Variants in SLCO6A1 observed in about 807,000 individuals in gnomAD.
SLCO6A1 encodes cancer/testis antigen 48.
A neutral mutation model predicts 72.7 loss-of-function variants in SLCO6A1; 65 were observed. The observed-to-expected ratio is 0.89, with a 90% CI of 0.73 to 1.10. SLCO6A1 has a LOEUF of 1.10. Among genes scored for constraint, SLCO6A1 ranks in the 50% least tolerant of loss-of-function variants. The probability of loss-of-function intolerance (pLI) is 0.00; values close to 1 mark genes in which losing one functional copy is unlikely to be tolerated. For missense variants in SLCO6A1, 874 were observed against 872.6 expected (o/e 1.00, Z -0.02); for synonymous variants, 314 against 298.2 (o/e 1.05, Z -0.55).
intron 1 of SLCO6A1, among the ~76,000 whole-genome samples, chr5:102,487,783 A>T (rs180686760): frequency 6.6e-6 from 1 of 152,346 alleles, no homozygotes; most frequent in African/African-American, 2.4e-5. Flanking sequence ...TGTCCCTGAA[A>T]GGAATTTTCA....
intron 4 of SLCO6A1, among the ~76,000 whole-genome samples, chr5:102,471,589 G>T (rs1443489592): frequency 1.3e-5 from 2 of 151,984 alleles, no homozygotes; most frequent in African/African-American, 4.8e-5. Context: ...TGCTACACCC[G>T]CTTAATTTCC....
chr5:102,390,765 A>C (rs1746710408), intron 11 of SLCO6A1, among the ~76,000 whole-genome samples: 1 of 152,116 alleles, frequency 6.6e-6, no homozygotes, highest in African/African-American at 2.4e-5. Context: ...GATCAAATAT[A>C]ATATGCATAT....
chr5:102,489,841 C>T (rs557019740), intron 1 of SLCO6A1, among the ~76,000 whole-genome samples: 3 of 152,086 alleles, frequency 2.0e-5, no homozygotes, highest in South Asian at 2.1e-4. Context: ...TATGGACCAA[C>T]CTAAGTGTCC....
chr5:102,432,771 C>G lies in SLCO6A1; in HGVS notation c.1276+5846G>C, dbSNP rs1032496113. Among the ~76,000 whole-genome samples the G allele has an allele frequency of 3.9e-5, 6 of 152,120 alleles. No homozygotes were observed. In the East Asian group the frequency reaches 9.6e-4, roughly 24 times the overall value. On this transcript the variant is annotated intron_variant, in intron 7 of 13. Coordinates refer to ENST00000506729, the MANE Select transcript of SLCO6A1 (RefSeq NM_173488.5). ...TCTTAGGGATGATGTTTTTGTGAAG[C>G]ACTTTGTGAGAGTTTCCTGCATTTT...
intron 1 of SLCO6A1, among the ~76,000 whole-genome samples, chr5:102,490,641 G>A (rs536009786): frequency 7.2e-5 from 11 of 152,256 alleles, no homozygotes; most frequent in African/African-American, 2.4e-4. Flanking sequence ...GGTGTGTTCC[G>A]AGTTTCTTCC....
chr5:102,463,050 A>T (rs1751123421), intron 4 of SLCO6A1, among the ~76,000 whole-genome samples: 1 of 152,090 alleles, frequency 6.6e-6, no homozygotes, highest in Non-Finnish European at 1.5e-5. Flanking sequence ...ATCCAGAATC[A>T]ACTAGGAATT....
intron 9 of SLCO6A1, among the ~76,000 whole-genome samples, chr5:102,403,270 G>A (rs1372068325): frequency 6.6e-6 from 1 of 152,120 alleles, no homozygotes; most frequent in African/African-American, 2.4e-5. Flanking sequence ...TACTGTCTCA[G>A]CTGAGAGGAC....
At chr5:102,469,154 T>A (rs1276523546) in intron 4 of SLCO6A1, among the ~76,000 whole-genome samples, 2 of 152,168 alleles carry the variant, frequency 1.3e-5, no homozygotes, top group Non-Finnish European at 2.9e-5. Context: ...CTTTTTTTTT[T>A]GGTTTCACAT....
At chr5:102,478,691 T>C (rs1344841740) in intron 2 of SLCO6A1, among the ~76,000 whole-genome samples, 1 of 152,190 alleles carries the variant, frequency 6.6e-6, no homozygotes, top group African/African-American at 2.4e-5. Flanking sequence ...TGTTTGTAGA[T>C]TGTTAGATCC....
chr5:102,490,415 T>G (rs2112858679), intron 1 of SLCO6A1, among the ~76,000 whole-genome samples: 1 of 152,358 alleles, frequency 6.6e-6, no homozygotes, highest in Middle Eastern at 3.4e-3. Flanking sequence ...ATGATCAATA[T>G]GCTAAAGACA....
chr5:102,470,805 T>C (rs950794868), intron 4 of SLCO6A1, among the ~76,000 whole-genome samples: 2 of 152,202 alleles, frequency 1.3e-5, no homozygotes, highest in South Asian at 4.1e-4. Flanking sequence ...AAGAGTCCTA[T>C]AATATGACTT....
intron 7 of SLCO6A1, among the ~76,000 whole-genome samples, chr5:102,432,352 C>T (rs1749266642): frequency 3.3e-5 from 5 of 152,022 alleles, no homozygotes; most frequent in Admixed American, 3.3e-4. Context: ...TACTTAAGTG[C>T]ATTTTTGTAG....
rs201129057 is a variant in SLCO6A1, at chr5:102,423,689, C to A, written c.1277-3668G>T. 2.6e-5 allele frequency among the ~76,000 whole-genome samples: 4 copies of A among 152,270 alleles called. No individual in the cohort carries two copies. In the East Asian group the frequency reaches 7.7e-4, roughly 29 times the overall value. On this transcript the variant is annotated intron_variant, in intron 7 of 13. Coordinates refer to ENST00000506729, the MANE Select transcript of SLCO6A1 (RefSeq NM_173488.5). ...AATAATAGTGGGACACTTTAACACC[C>A]CACTGTCAATATTAGACAGATCAAC...
chr5:102,466,098 G>T (rs1751296314), intron 4 of SLCO6A1, among the ~76,000 whole-genome samples: 1 of 152,014 alleles, frequency 6.6e-6, no homozygotes, highest in South Asian at 2.1e-4. Context: ...TGTGTCAGGG[G>T]TTTGTTTTAC....
chr5:102,483,867 C>T (rs1752323983), intron 1 of SLCO6A1, among the ~76,000 whole-genome samples: 1 of 152,136 alleles, frequency 6.6e-6, no homozygotes, highest in Non-Finnish European at 1.5e-5. Flanking sequence ...CAAATCAATG[C>T]CCCAGCTCCC....
intron 9 of SLCO6A1, among the ~76,000 whole-genome samples, chr5:102,409,475 ATTTTG>A (rs139656975): frequency 0.026 from 3,979 of 151,950 alleles, 125 homozygotes; most frequent in African/African-American, 0.079. Context: ...TTTAATTTTT[ATTTTG>A]TTAAGATTTT....
At chr5:102,494,872 C>G (rs1160049990) in intron 1 of SLCO6A1, among the ~76,000 whole-genome samples, 1 of 152,108 alleles carries the variant, frequency 6.6e-6, no homozygotes, top group Non-Finnish European at 1.5e-5. Flanking sequence ...TTATACAGCC[C>G]AGCAATTATA....
intron 11 of SLCO6A1, 43 bp downstream of exon 11, chr5:102,390,937 CA>C (rs1236032568): frequency 1.3e-6 from 2 of 1,537,842 alleles, no homozygotes; most frequent in African/African-American, 2.7e-5. Context: ...ATATACATAT[CA>C]AAAAACATTT....
chr5:102,447,386 A>G (rs1597773), intron 6 of SLCO6A1, among the ~76,000 whole-genome samples: 97,126 of 151,976 alleles, frequency 0.64, 31,238 homozygotes, highest in African/African-American at 0.66. Flanking sequence ...CTCATAGAAC[A>G]TGTTAAGGAG....
Sources: gnomAD v4.1 joint callset for allele counts (sites outside exome capture counted in the v4.1 genomes callset) on GRCh38, gnomAD v4.1.1 for gene constraint, MANE v1.5 for transcripts, NCBI Gene and HGNC (gene_info 2026-07-23, HGNC 2026-07-21) for gene names.